RYK: variants seen among roughly 807,000 people sequenced by gnomAD.
RYK encodes the protein receptor like tyrosine kinase.
Under a neutral mutation model 70.2 loss-of-function variants are expected in RYK, and 21 were observed. That is an observed-to-expected ratio of 0.30 (90% CI 0.21 to 0.43). The LOEUF (loss-of-function observed/expected upper bound fraction) is 0.43, where lower values mean the gene tolerates loss of function less well. Among genes scored for constraint, RYK ranks in the 20% least tolerant of loss-of-function variants. The pLI is 1.00. For missense variants in RYK, 604 were observed against 753.3 expected, an observed-to-expected ratio of 0.80 and a Z score of 2.32; for synonymous variants, 267 against 278.0, an observed-to-expected ratio of 0.96 and a Z score of 0.39.
intron 1 of RYK, among the ~76,000 whole-genome samples, chr3:134,245,342 T>C (rs1228090038): frequency 6.6e-6 from 1 of 152,002 alleles, no homozygotes; most frequent in Non-Finnish European, 1.5e-5. Flanking sequence ...CTTACCTCCA[T>C]TTCCTTCCAA....
chr3:134,239,639 A>C (rs930002700), intron 1 of RYK, among the ~76,000 whole-genome samples: 1 of 152,136 alleles, frequency 6.6e-6, no homozygotes, highest in South Asian at 2.1e-4. Context: ...TTTTTTTGTA[A>C]GTATGATTCA....
At chr3:134,221,464 A>G (rs1449222117) in intron 2 of RYK, among the ~76,000 whole-genome samples, 1 of 151,920 alleles carries the variant, frequency 6.6e-6, no homozygotes, top group Non-Finnish European at 1.5e-5. Context: ...CAATCTCCCA[A>G]AGTGCTGGGA....
At position 134,166,552 on chromosome 3, in the gene RYK, G is replaced by C. The variant is rs771380902; in HGVS notation, c.1576-7179C>G. ...AATCTGCCCCACGATCTGTGATTAG[G>C]AAAGACAGAGGAGCCAACATTGGAT... On this transcript the variant is annotated intron_variant, in intron 13 of 14. Coordinates refer to ENST00000623711, the MANE Select transcript of RYK (RefSeq NM_002958.4). 2.0e-5 allele frequency among the ~76,000 whole-genome samples: 3 copies of C among 152,296 alleles called. No homozygotes were observed. The South Asian group carries it at 6.2e-4, about 32-fold the overall frequency.
At position 134,188,848 on chromosome 3, in the gene RYK, T is replaced by C. The variant is rs1320739106; in HGVS notation, c.1091A>G (p.Lys364Arg). 6.4e-7 allele frequency: 1 copy of C among 1,566,506 alleles called. No individual in the cohort carries two copies. Among genetic ancestry groups the C allele is most frequent in the Admixed American group, 1.7e-5 (1 of 57,532 alleles). The change falls in exon 9 of 15, where the codon AAA becomes AGA. Residue 364 changes from lysine (K) to arginine (R), a missense_variant. Lys to Arg is a conservative substitution (Grantham distance 26). Around this residue, in one of 2 missense-constraint regions of RYK, gnomAD observed 466 missense variants for 535.9 expected, o/e 0.87. Transcript: ENST00000623711. Reference sequence around the variant, plus strand: ...AAAAAAGATCCTACCTTTAACTGTTTTGACAAATGCTTGTTTTTCTTTATT... The same window carrying C: ...AAAAAAGATCCTACCTTTAACTGTTCTGACAAATGCTTGTTTTTCTTTATT... The part of the protein sequence containing the change: ...DPNKEKQAFV[K>R]TVKDQASEIQ...
chr3:134,171,217 A>G lies in RYK; in HGVS notation c.1575+4392T>C, dbSNP rs1207995935. 8 of 152,378 alleles carry G rather than the reference A, an allele frequency of 5.3e-5. No homozygotes were observed. In the East Asian group the frequency reaches 1.5e-3, roughly 29 times the overall value. The allele number at this position is 152,378 out of a possible 1,614,324, so 9.4% of individuals were successfully genotyped here. On this transcript the variant is annotated intron_variant, in intron 13 of 14. Coordinates refer to ENST00000623711, the MANE Select transcript of RYK (RefSeq NM_002958.4). ...GAACAAGCAACTAAGTATTTGGTGT[A>G]ACTGCATTCTGATGATGGCAGATTC...
At chr3:134,176,647 G>A (rs1485514962) in intron 11 of RYK, among the ~76,000 whole-genome samples, 2 of 152,170 alleles carry the variant, frequency 1.3e-5, no homozygotes, top group Non-Finnish European at 2.9e-5. Context: ...TCAGGAGGCT[G>A]AGGTGGGAGG....
intron 2 of RYK, among the ~76,000 whole-genome samples, chr3:134,219,286 C>T (rs1029130320): frequency 6.6e-6 from 1 of 152,180 alleles, no homozygotes; most frequent in African/African-American, 2.4e-5. Context: ...CACCCATTAC[C>T]AGCAACATCA....
chr3:134,162,970 T>C (rs1448002871), intron 13 of RYK, among the ~76,000 whole-genome samples: 1 of 152,196 alleles, frequency 6.6e-6, no homozygotes, highest in Non-Finnish European at 1.5e-5. Context: ...TTATAACACC[T>C]TCTGACTTTA....
Position 134,250,725 on chromosome 3 carries a change from C to A in RYK, c.-71G>T, listed in dbSNP as rs1379946160. 1 of 764,368 alleles carries A rather than the reference C, an allele frequency of 1.3e-6. No homozygotes were observed. The highest frequency in any genetic ancestry group is 1.6e-6 in the Non-Finnish European group (1 of 629,698). The allele number at this position is 764,368 out of a possible 1,614,324, so 47.3% of individuals were successfully genotyped here. A position where few individuals can be genotyped will look rare whatever the true frequency, so the allele number is the denominator to read the frequency against. On this transcript the variant is annotated 5_prime_UTR_variant, in exon 1 of 15. Coordinates refer to ENST00000623711, the MANE Select transcript of RYK (RefSeq NM_002958.4). ...ACCGCCGCCCACCCCCGGCCCCGAGCCGCTCACAGCCCCGAGCCGGGGGCG... is the reference window on the plus strand; with the variant it reads ...ACCGCCGCCCACCCCCGGCCCCGAGACGCTCACAGCCCCGAGCCGGGGGCG...
At chr3:134,223,471 C>CA (rs1465417102) in intron 1 of RYK, among the ~76,000 whole-genome samples, 1 of 151,950 alleles carries the variant, frequency 6.6e-6, no homozygotes, top group Non-Finnish European at 1.5e-5. Context: ...AAAGAGTTAT[C>CA]AAAAAAACAA....
chr3:134,159,977 T>C (rs1470726164), intron 13 of RYK, among the ~76,000 whole-genome samples: 5 of 151,336 alleles, frequency 3.3e-5, no homozygotes. Flanking sequence ...TTTTGGCCAA[T>C]TCCTGGCTGT....
chr3:134,172,015 C>T (rs376258596), intron 13 of RYK, among the ~76,000 whole-genome samples: 2 of 152,102 alleles, frequency 1.3e-5, no homozygotes, highest in African/African-American at 2.4e-5. Flanking sequence ...TCAAATTACA[C>T]GAAATACTTA....
Position 134,175,932 on chromosome 3 carries a change from A to G in RYK, c.1413T>C (p.Cys471=), listed in dbSNP as rs2013085432. The change falls in exon 12 of 15, where the codon TGT becomes TGC. Residue 471 remains cysteine, a splice_region_variant and synonymous_variant. Transcript: ENST00000623711. The stretch of plus-strand genomic sequence containing the variant: ...AGCGTCAAGCTCATGGCACCTACAC[A>G]CAGTTCCTGGCAGCCAGGTCTTTGT... ...VIHKDLAARN[C]VIDDTLQVKI... is the part of the protein sequence containing the mutation. 1 of 1,604,282 alleles carries G rather than the reference A, an allele frequency of 6.2e-7. No homozygotes were observed. The highest frequency in any genetic ancestry group is 8.5e-7 in the Non-Finnish European group (1 of 1,174,036).
rs2014402257 is a variant in RYK at position 134,211,673 on chromosome 3, T to C, written c.355-66A>G. 2.8e-5 allele frequency: 29 copies of C among 1,041,040 alleles called. 2 individuals carry two copies. In the South Asian group the frequency reaches 3.9e-4, roughly 14 times the overall value. 64.5% of individuals were successfully genotyped at this position (1,041,040 alleles called of 1,614,324 possible). On this transcript the variant is annotated intron_variant, in intron 2 of 14. Coordinates refer to ENST00000623711, the MANE Select transcript of RYK (RefSeq NM_002958.4). ...ACAAGAAGGATACTATCAGCTTGAC[T>C]TCATTAATTGGCTCATTAATCAATG...
chr3:134,158,262 A>G lies in RYK; in HGVS notation c.1715T>C (p.Phe572Ser). ...GGCCCAGCAACAGGCCATCACAGCA[A>G]ATCTGCAGAGTGACAAAAATGAAAA... ...AQPINCPDEL[F>S]AVMACCWALD... The change falls in exon 15 of 15, where the codon TTT (phenylalanine) becomes TCT (serine). Residue 572 changes from phenylalanine (F) to serine (S), a missense_variant and splice_region_variant. Around this residue, in one of 2 missense-constraint regions of RYK, gnomAD observed 138 missense variants for 217.4 expected, o/e 0.63. Transcript: ENST00000623711. 2.6e-6 allele frequency: 4 copies of G among 1,550,540 alleles called. No homozygotes were observed. Among genetic ancestry groups the G allele is most frequent in the Non-Finnish European group, 2.6e-6 (3 of 1,145,836 alleles).
chr3:134,194,541 C>T (rs2013752204), intron 7 of RYK, among the ~76,000 whole-genome samples: 1 of 152,092 alleles, frequency 6.6e-6, no homozygotes, highest in Admixed American at 6.5e-5. Context: ...TGGAAAACCA[C>T]AATAGGGCAC....
chr3:134,229,361 C>T (rs2014995687), intron 1 of RYK, among the ~76,000 whole-genome samples: 1 of 141,008 alleles, frequency 7.1e-6, no homozygotes, highest in African/African-American at 2.7e-5. Context: ...CCCTCTCTCC[C>T]TTGCTCTCCT....
intron 6 of RYK, among the ~76,000 whole-genome samples, chr3:134,200,163 T>TC (rs1320185086): frequency 6.6e-6 from 1 of 152,024 alleles, no homozygotes; most frequent in Non-Finnish European, 1.5e-5. Flanking sequence ...CCTTCCACGC[T>TC]GTGGAAGCTT....
In RYK at chr3:134,178,462, GA is replaced by G. The variant is rs201426118; in HGVS notation, c.1173-390del. On this transcript the variant is annotated intron_variant, in intron 10 of 14. Transcript: ENST00000623711. ...TCCCACTTACTCCATTATCACACATGAAAAAAAAAAAAGGCCCAATCCAGAC... is the reference window on the plus strand; with the variant it reads ...TCCCACTTACTCCATTATCACACATGAAAAAAAAAAAGGCCCAATCCAGAC... 393 of 126,554 alleles carry G rather than the reference GA, an allele frequency of 3.1e-3. 4 individuals are homozygous for G. The East Asian group carries it at 0.036, about 12-fold the overall frequency. The allele number at this position is 126,554 out of a possible 1,614,324, so 7.8% of individuals were successfully genotyped here.
Sources: gnomAD v4.1 joint callset for allele counts (sites outside exome capture counted in the v4.1 genomes callset) on GRCh38, gnomAD v4.1.1 for gene constraint, gnomAD v4.1.1 regional missense constraint, MANE v1.5 for transcripts, NCBI Gene and HGNC (gene_info 2026-07-23, HGNC 2026-07-21) for gene names.